COG2: variants seen among roughly 807,000 people sequenced by gnomAD.
COG2 encodes the protein conserved oligomeric Golgi complex subunit 2.
In COG2, 52 loss-of-function variants were observed where a neutral mutation model predicts 90.6. That is an observed-to-expected ratio of 0.57 (90% CI 0.46 to 0.72). The LOEUF (loss-of-function observed/expected upper bound fraction) is 0.72. Ranked by LOEUF, COG2 falls within the 30% of genes least tolerant of loss-of-function variation. The pLI is 0.00. For missense variants in COG2, 829 were observed against 891.2 expected, an observed-to-expected ratio of 0.93 and a Z score of 0.89; for synonymous variants, 337 against 320.4, an observed-to-expected ratio of 1.05 and a Z score of -0.55.
chr1:230,671,879 G>A (rs900481855), intron 8 of COG2, among the ~76,000 whole-genome samples: 15 of 152,164 alleles, frequency 9.9e-5, no homozygotes, highest in African/African-American at 3.4e-4. Flanking sequence ...CGAATCCAAA[G>A]CCTAGCCTTT....
chr1:230,647,248 A>G (rs1661810033), intron 1 of COG2, among the ~76,000 whole-genome samples: 2 of 152,134 alleles, frequency 1.3e-5, no homozygotes. Context: ...AACATAGCGT[A>G]TATAGAGTTG....
In COG2 at chr1:230,693,484, C is replaced by A; in HGVS notation, c.*91C>A. The A allele has an allele frequency of 1.3e-6, 1 of 758,104 alleles. No individual in the cohort carries two copies. Among genetic ancestry groups the A allele is most frequent in the Non-Finnish European group, 2.2e-6 (1 of 453,518 alleles). The allele number at this position is 758,104 out of a possible 1,614,324, so 47.0% of individuals were successfully genotyped here. On this transcript the variant is annotated 3_prime_UTR_variant, in exon 18 of 18. Coordinates refer to ENST00000366669, the MANE Select transcript of COG2 (RefSeq NM_007357.3). ...GGAGAAAGTGACTCTGTTCTCTTAG[C>A]AACCGTCTGTAGCAAAGAAGTGCTT...
intron 1 of COG2, among the ~76,000 whole-genome samples, chr1:230,648,536 A>G (rs1445224828): frequency 6.6e-6 from 1 of 152,264 alleles, no homozygotes; most frequent in Non-Finnish European, 1.5e-5. Flanking sequence ...GATCAGTACC[A>G]TTGGACATAC....
intron 12 of COG2, 55 bp from the exon 13 acceptor site, chr1:230,686,880 A>ATT (rs1662896791): frequency 7.0e-6 from 8 of 1,145,972 alleles, no homozygotes; most frequent in Non-Finnish European, 9.8e-6. Flanking sequence ...TAATATATAA[A>ATT]TGCTCATGTA....
At chr1:230,644,786 A>G (rs1026439910) in intron 1 of COG2, among the ~76,000 whole-genome samples, 5 of 152,116 alleles carry the variant, frequency 3.3e-5, no homozygotes, top group Admixed American at 1.3e-4. Context: ...TTCATTGTGG[A>G]GTTACAGTCA....
At chr1:230,658,521 C>G (rs549314902) in intron 1 of COG2, among the ~76,000 whole-genome samples, 29 of 152,266 alleles carry the variant, frequency 1.9e-4, no homozygotes, top group South Asian at 6.2e-4. Flanking sequence ...AGTCAGGATA[C>G]ACGGGGGTCA....
rs182335116 is a variant in COG2, at chr1:230,686,400, G to A, written c.1381-535G>A. On this transcript the variant is annotated intron_variant, in intron 12 of 17. Coordinates refer to ENST00000366669, the MANE Select transcript of COG2 (RefSeq NM_007357.3). ...GCCAGGAATTCTCCGTTTATCTCTA[G>A]TAGATCACTTTGCCCTGAATGTTCA... 1.1e-3 allele frequency among the ~76,000 whole-genome samples: 175 copies of A among 152,272 alleles called. 3 individuals are homozygous for A. The highest frequency in any genetic ancestry group is 4.1e-3 in the African/African-American group (169 of 41,558).
intron 7 of COG2, 145 bp from the exon 8 acceptor site, chr1:230,671,371 T>C: frequency 4.7e-6 from 3 of 633,320 alleles, no homozygotes; most frequent in Non-Finnish European, 5.3e-6. Flanking sequence ...TGTTATTTAC[T>C]TCACTGTTTA....
chr1:230,667,207 G>A lies in COG2; in HGVS notation c.486-1469G>A, dbSNP rs747518359. ...GGTACCTAAGAAAAGATAACCAAACGTCTCCCACTAGTGGGGAACGGGCTT... is the reference window on the plus strand; with the variant it reads ...GGTACCTAAGAAAAGATAACCAAACATCTCCCACTAGTGGGGAACGGGCTT... On this transcript the variant is annotated intron_variant, in intron 5 of 17. Coordinates refer to ENST00000366669, the MANE Select transcript of COG2 (RefSeq NM_007357.3). 2.7e-4 allele frequency among the ~76,000 whole-genome samples: 41 copies of A among 152,114 alleles called. 1 individual carries two copies. The highest frequency in any genetic ancestry group is 4.4e-4 in the Non-Finnish European group (30 of 68,028).
intron 1 of COG2, among the ~76,000 whole-genome samples, chr1:230,652,569 G>A (rs79830703): frequency 0.041 from 6,217 of 152,214 alleles, 243 homozygotes; most frequent in East Asian, 0.16. Flanking sequence ...GGCTAAATAC[G>A]GAGCACAATT....
At chr1:230,692,900 T>G (rs1459786360) in intron 17 of COG2, among the ~76,000 whole-genome samples, 1 of 152,190 alleles carries the variant, frequency 6.6e-6, no homozygotes, top group Non-Finnish European at 1.5e-5. Context: ...CATCTGATTC[T>G]AAAAGGTTTT....
At chr1:230,662,759 T>C in intron 3 of COG2, among the ~76,000 whole-genome samples, 1 of 152,218 alleles carries the variant, frequency 6.6e-6, no homozygotes, top group East Asian at 1.9e-4. Context: ...TCTATCTTCC[T>C]GCCTTGTCTT....
At chr1:230,688,347 G>T in intron 14 of COG2, 73 bp from the exon 15 acceptor site, 1 of 1,547,664 alleles carries the variant, frequency 6.5e-7, no homozygotes, top group Non-Finnish European at 8.9e-7. Context: ...TGTAAATGCT[G>T]TGACAGTATT....
At chr1:230,658,478 G>GCCAGAGCTCTCC in intron 1 of COG2, among the ~76,000 whole-genome samples, 1 of 152,146 alleles carries the variant, frequency 6.6e-6, no homozygotes, top group Non-Finnish European at 1.5e-5. Flanking sequence ...CCTGTGTGAA[G>GCCAGAGCTCTCC]TGTCTCTCAG....
At chr1:230,687,611 CTG>C (rs1662913208) in intron 13 of COG2, among the ~76,000 whole-genome samples, 1 of 152,090 alleles carries the variant, frequency 6.6e-6, no homozygotes, top group Non-Finnish European at 1.5e-5. Context: ...TCTTTTTTCT[CTG>C]TATAGATCCG....
In COG2 at chr1:230,691,495, T is replaced by C; in HGVS notation, c.2046T>C (p.Ser682=). The change falls in exon 17 of 18, where the codon AGT becomes AGC. Residue 682 remains serine, a synonymous_variant. Coordinates refer to ENST00000366669, the MANE Select transcript of COG2 (RefSeq NM_007357.3). ...CTCCCGCCAACCCCGTCGGTCCCAG[T>C]GGTGGCATGAGCGACGACGACAAAA... The part of the protein sequence containing the change: ...KTTPANPVGP[S]GGMSDDDKIR... The C allele has an allele frequency of 6.2e-7, 1 of 1,614,050 alleles. No homozygotes were observed. Among genetic ancestry groups the C allele is most frequent in the Non-Finnish European group, 8.5e-7 (1 of 1,180,020 alleles).
Position 230,669,415 on chromosome 1 carries a change from C to A in COG2, c.654C>A (p.Gly218=), listed in dbSNP as rs776516795. The change falls in exon 7 of 18, where the codon GGC becomes GGA. Residue 218 remains glycine, a synonymous_variant. Transcript: ENST00000366669. ...QQSLEGLLLE[G]LQTSDVDIIR... The stretch of plus-strand genomic sequence containing the variant: ...CACTGGAAGGTCTCCTATTAGAAGG[C>A]CTTCAGACGTCTGACGTCGATATAA... 2.9e-5 allele frequency: 46 copies of A among 1,614,034 alleles called. No homozygotes were observed. The highest frequency in any genetic ancestry group is 3.7e-5 in the Non-Finnish European group (44 of 1,179,942).
At chr1:230,645,233 CAAAAAAAAA>C (rs57806034) in intron 1 of COG2, among the ~76,000 whole-genome samples, 2 of 91,062 alleles carry the variant, frequency 2.2e-5, no homozygotes, top group African/African-American at 4.2e-5. Context: ...GAGACCCTGT[CAAAAAAAAA>C]AAAAAAAAAA....
chr1:230,682,440 A>G (rs1383684428), intron 10 of COG2: 1 of 151,986 alleles, frequency 6.6e-6, no homozygotes, highest in Non-Finnish European at 1.5e-5. Flanking sequence ...GTACCTCTCA[A>G]CTGCAGCTTG....
Sources: allele counts gnomAD v4.1 joint callset (sites outside exome capture counted in the v4.1 genomes callset), GRCh38; gene constraint gnomAD v4.1.1; transcripts MANE v1.5; gene names NCBI Gene and HGNC (gene_info 2026-07-23, HGNC 2026-07-21).